The following PRKCB variants were observed in gnomAD, a reference collection of about 807,000 sequenced individuals.
The protein encoded by PRKCB is protein kinase C beta type.
A neutral mutation model predicts 81.5 loss-of-function variants in PRKCB; 13 were observed. The observed-to-expected ratio is 0.16, with a 90% CI of 0.10 to 0.25. PRKCB has a LOEUF of 0.25. Among genes scored for constraint, PRKCB ranks in the 10% least tolerant of loss-of-function variants. PRKCB has a pLI of 1.00. For synonymous variants in PRKCB, 335 were observed against 321.4 expected, an observed-to-expected ratio of 1.04 and a Z score of -0.45; for missense variants, 509 against 875.7, an observed-to-expected ratio of 0.58 and a Z score of 5.29.
intron 2 of PRKCB, among the ~76,000 whole-genome samples, chr16:23,980,307 A>G (rs769582096): frequency 8.5e-5 from 13 of 152,226 alleles, no homozygotes; most frequent in Non-Finnish European, 1.8e-4. Context: ...ACCCCACTTC[A>G]TCTTAGGTAC....
intron 2 of PRKCB, among the ~76,000 whole-genome samples, chr16:23,856,101 G>A (rs1482625191): frequency 6.6e-6 from 1 of 152,152 alleles, no homozygotes; most frequent in Non-Finnish European, 1.5e-5. Context: ...GTACTTGCTG[G>A]CACTGGAATA....
chr16:24,004,503 A>G (rs1965089645), intron 3 of PRKCB, among the ~76,000 whole-genome samples: 1 of 151,518 alleles, frequency 6.6e-6, no homozygotes, highest in Non-Finnish European at 1.5e-5. Context: ...AAAAAAGAAA[A>G]AATTAGCCAG....
At chr16:23,912,250 T>C (rs112568044) in intron 2 of PRKCB, among the ~76,000 whole-genome samples, 167 of 152,150 alleles carry the variant, frequency 1.1e-3, no homozygotes, top group African/African-American at 3.8e-3. Context: ...ACTAATGATT[T>C]TGTTGGAGAA....
chr16:24,146,250 A>T (rs977829742), intron 9 of PRKCB, among the ~76,000 whole-genome samples: 10 of 152,120 alleles, frequency 6.6e-5, no homozygotes, highest in Admixed American at 3.9e-4. Context: ...TGAAATAATA[A>T]ATTCCTTTTG....
chr16:24,011,191 G>A (rs1031524059), intron 3 of PRKCB, among the ~76,000 whole-genome samples: 6 of 152,044 alleles, frequency 3.9e-5, no homozygotes, highest in African/African-American at 1.4e-4. Flanking sequence ...TTTTTAAATT[G>A]GAGGTAGGGT....
chr16:24,137,728 C>A (rs1378302067), intron 9 of PRKCB, among the ~76,000 whole-genome samples: 1 of 152,196 alleles, frequency 6.6e-6, no homozygotes, highest in East Asian at 1.9e-4. Flanking sequence ...AAATGAATCC[C>A]TGGTTACTAA....
At chr16:24,077,950 A>G (rs965078110) in intron 5 of PRKCB, among the ~76,000 whole-genome samples, 5 of 152,190 alleles carry the variant, frequency 3.3e-5, no homozygotes, top group African/African-American at 1.2e-4. Flanking sequence ...TCTCTAGAGA[A>G]GGGAAGTAAA....
chr16:23,979,982 G>A (rs2141812333), intron 2 of PRKCB, among the ~76,000 whole-genome samples: 1 of 152,344 alleles, frequency 6.6e-6, no homozygotes, highest in Non-Finnish European at 1.5e-5. Context: ...CTACTCAGGA[G>A]GCTGAGGCCA....
At chr16:23,950,132 A>AGGTTT (rs55986931) in intron 2 of PRKCB, among the ~76,000 whole-genome samples, 53 of 97,762 alleles carry the variant, frequency 5.4e-4, no homozygotes, top group Non-Finnish European at 7.2e-4. Flanking sequence ...TATGATTTGA[A>AGGTTT]TTTTTTTTTT....
intron 1 of PRKCB, among the ~76,000 whole-genome samples, 156 bp downstream of exon 1, chr16:23,836,504 C>A (rs1962160979): frequency 6.6e-6 from 1 of 152,098 alleles, no homozygotes; most frequent in Non-Finnish European, 1.5e-5. Flanking sequence ...CCGGGACTCC[C>A]GGATGGACAG....
At chr16:23,957,250 AC>A (rs1385491671) in intron 2 of PRKCB, among the ~76,000 whole-genome samples, 2 of 152,164 alleles carry the variant, frequency 1.3e-5, no homozygotes. Context: ...AAGTTTTAGG[AC>A]ATGTCAGGGA....
intron 2 of PRKCB, among the ~76,000 whole-genome samples, chr16:23,987,409 G>T (rs917892243): frequency 7.6e-6 from 1 of 131,924 alleles, no homozygotes; most frequent in East Asian, 2.7e-4. Context: ...GGTGGGGGGG[G>T]GTGTGTTTGC....
rs1597226197 is a variant in PRKCB, at chr16:23,882,025, C to CTCTTTCTTTCTTTCTTT, written c.205+44619_205+44620insTCTTTCTTTCTTTCTTT. 1.9e-3 allele frequency among the ~76,000 whole-genome samples: 34 copies of CTCTTTCTTTCTTTCTTT among 18,316 alleles called. 3 individuals are homozygous for CTCTTTCTTTCTTTCTTT. The highest frequency in any genetic ancestry group is 2.7e-3 in the Non-Finnish European group (23 of 8,390). 12.0% of individuals were successfully genotyped at this position (18,316 alleles called of 152,430 possible). A position where few individuals can be genotyped will look rare whatever the true frequency, so the allele number is the denominator to read the frequency against. Reference sequence around the variant, plus strand: ...TTCTTTCTTTCTTTCTTTCTTTCTTCCTTCCTTCCTTCCTTCCTTCCTTCC... The same window carrying CTCTTTCTTTCTTTCTTT: ...TTCTTTCTTTCTTTCTTTCTTTCTTCTCTTTCTTTCTTTCTTTCTTCCTTCCTTCCTTCCTTCCTTCC... On this transcript the variant is annotated intron_variant, in intron 2 of 16. Transcript: ENST00000643927.
chr16:23,837,341 G>C (rs746668304), intron 1 of PRKCB, 34 bp from the exon 2 acceptor site: 4 of 1,613,120 alleles, frequency 2.5e-6, no homozygotes, highest in Middle Eastern at 1.8e-4. Context: ...GGCCCCCCGG[G>C]CTGCCTGACA....
At chr16:24,039,636 AG>A (rs1034848956) in intron 5 of PRKCB, among the ~76,000 whole-genome samples, 3 of 152,172 alleles carry the variant, frequency 2.0e-5, no homozygotes, top group Non-Finnish European at 4.4e-5. Context: ...GGAGGTGGGA[AG>A]GTAGAGTAAC....
chr16:24,074,714 T>C (rs1966156825), intron 5 of PRKCB, among the ~76,000 whole-genome samples: 1 of 152,194 alleles, frequency 6.6e-6, no homozygotes, highest in Non-Finnish European at 1.5e-5. Flanking sequence ...CTGAAGCTTA[T>C]AGGGTGACCT....
At chr16:24,158,619 T>C (rs1967205742) in intron 10 of PRKCB, among the ~76,000 whole-genome samples, 2 of 150,402 alleles carry the variant, frequency 1.3e-5, no homozygotes, top group South Asian at 4.2e-4. Context: ...TGTGTGTGTG[T>C]ATGTGTATGT....
chr16:24,166,033 T>C (rs1427275263), intron 10 of PRKCB, among the ~76,000 whole-genome samples: 1 of 151,796 alleles, frequency 6.6e-6, no homozygotes, highest in Non-Finnish European at 1.5e-5. Context: ...ATTAGAGGTG[T>C]GTGTCACCAT....
chr16:24,024,230 C>A (rs1965446675), intron 3 of PRKCB, among the ~76,000 whole-genome samples: 1 of 152,164 alleles, frequency 6.6e-6, no homozygotes, highest in African/African-American at 2.4e-5. Flanking sequence ...ACAAATACTG[C>A]ATGATCTCAC....
Sources: gnomAD v4.1 joint callset for allele counts (sites outside exome capture counted in the v4.1 genomes callset) on GRCh38, gnomAD v4.1.1 for gene constraint, MANE v1.5 for transcripts, NCBI Gene and HGNC (gene_info 2026-07-23, HGNC 2026-07-21) for gene names.